SMYD3: variants seen among roughly 807,000 people sequenced by gnomAD.
SMYD3 encodes the protein SET and MYND domain containing 3.
Under a neutral mutation model 57.7 loss-of-function variants are expected in SMYD3, and 36 were observed. The observed-to-expected ratio is 0.62, with a 90% CI of 0.48 to 0.82. The LOEUF (loss-of-function observed/expected upper bound fraction) is 0.82. Among genes scored for constraint, SMYD3 ranks in the 40% least tolerant of loss-of-function variants. SMYD3 has a pLI of 0.00. For synonymous variants in SMYD3, 211 were observed against 195.0 expected, an observed-to-expected ratio of 1.08 and a Z score of -0.68; for missense variants, 515 against 538.8, an observed-to-expected ratio of 0.96 and a Z score of 0.44.
At chr1:246,307,629 C>G (rs1182360712) in intron 5 of SMYD3, among the ~76,000 whole-genome samples, 1 of 151,910 alleles carries the variant, frequency 6.6e-6, no homozygotes, top group Non-Finnish European at 1.5e-5. Flanking sequence ...CCGTTTTAGC[C>G]GGGATGGTCT....
chr1:245,829,235 A>C (rs2049696304), intron 10 of SMYD3, among the ~76,000 whole-genome samples: 3 of 152,044 alleles, frequency 2.0e-5, no homozygotes. Flanking sequence ...AATTCTAGGG[A>C]TTAAATAATG....
chr1:246,169,068 A>G (rs1453088212), intron 5 of SMYD3, among the ~76,000 whole-genome samples: 1 of 152,138 alleles, frequency 6.6e-6, no homozygotes, highest in Non-Finnish European at 1.5e-5. Flanking sequence ...TCTCTGCTTC[A>G]CTTGAATTCC....
chr1:245,986,696 G>A (rs1252889996), intron 5 of SMYD3, among the ~76,000 whole-genome samples: 2 of 152,018 alleles, frequency 1.3e-5, no homozygotes, highest in African/African-American at 2.4e-5. Flanking sequence ...CTCCACTCTC[G>A]GTTGTTCCAG....
chr1:245,939,009 G>C (rs916725366), intron 5 of SMYD3, among the ~76,000 whole-genome samples: 1 of 151,956 alleles, frequency 6.6e-6, no homozygotes, highest in African/African-American at 2.4e-5. Flanking sequence ...AGCCGGGCGT[G>C]GTGGCCTGAG....
intron 8 of SMYD3, among the ~76,000 whole-genome samples, chr1:245,893,491 A>T (rs2053525493): frequency 2.6e-5 from 1 of 37,842 alleles, no homozygotes; most frequent in South Asian, 1.5e-3. Context: ...CAAACTATGA[A>T]ATAGCCATGT....
chr1:245,848,649 T>C (rs1359676073), intron 10 of SMYD3, among the ~76,000 whole-genome samples: 1 of 152,140 alleles, frequency 6.6e-6, no homozygotes, highest in Non-Finnish European at 1.5e-5. Flanking sequence ...TGGGCTCAAG[T>C]TATCTTCCCA....
At chr1:246,017,482 G>A (rs1282016647) in intron 5 of SMYD3, among the ~76,000 whole-genome samples, 3 of 152,096 alleles carry the variant, frequency 2.0e-5, no homozygotes, top group African/African-American at 7.2e-5. Context: ...GAAGACTAGA[G>A]GCCAGTTATT....
intron 1 of SMYD3, among the ~76,000 whole-genome samples, chr1:246,451,844 G>A (rs1427266130): frequency 6.6e-6 from 1 of 152,094 alleles, no homozygotes; most frequent in Non-Finnish European, 1.5e-5. Flanking sequence ...TTTAACTTTA[G>A]ATATCAAATA....
chr1:246,425,761 C>G (rs1287930333), intron 1 of SMYD3, among the ~76,000 whole-genome samples: 1 of 152,118 alleles, frequency 6.6e-6, no homozygotes, highest in Non-Finnish European at 1.5e-5. Flanking sequence ...GGATCATCTC[C>G]CTAATAAACT....
intron 5 of SMYD3, among the ~76,000 whole-genome samples, chr1:246,147,998 C>G (rs556018523): frequency 6.6e-6 from 1 of 152,120 alleles, no homozygotes; most frequent in Non-Finnish European, 1.5e-5. Context: ...GATCTCCGAC[C>G]GGGGTTGGGG....
At chr1:246,011,821 C>T (rs975144679) in intron 5 of SMYD3, among the ~76,000 whole-genome samples, 1 of 152,198 alleles carries the variant, frequency 6.6e-6, no homozygotes, top group African/African-American at 2.4e-5. Flanking sequence ...TGCTCCACTA[C>T]ACAAACTGAA....
intron 8 of SMYD3, among the ~76,000 whole-genome samples, chr1:245,914,853 C>T (rs1467742866): frequency 1.4e-5 from 2 of 145,714 alleles, no homozygotes; most frequent in East Asian, 5.2e-4. Context: ...CACTCTGTAT[C>T]CCAAAATATG....
chr1:246,379,113 CAT>C (rs1553340124), intron 1 of SMYD3, among the ~76,000 whole-genome samples: 3 of 139,970 alleles, frequency 2.1e-5, no homozygotes, highest in African/African-American at 8.0e-5. Context: ...CACACACACA[CAT>C]ATATTCCATT....
At chr1:245,793,769 G>C (rs537458617) in intron 10 of SMYD3, among the ~76,000 whole-genome samples, 1 of 152,190 alleles carries the variant, frequency 6.6e-6, no homozygotes, top group East Asian at 1.9e-4. Flanking sequence ...GCAAATCCCT[G>C]ACCATGGCCC....
At chr1:245,853,529 C>T (rs868020411) in intron 10 of SMYD3, among the ~76,000 whole-genome samples, 3 of 152,196 alleles carry the variant, frequency 2.0e-5, no homozygotes, top group African/African-American at 2.4e-5. Flanking sequence ...ACCAAACGTG[C>T]GCTCAGGTCT....
At chr1:246,073,262 T>C (rs929179567) in intron 5 of SMYD3, among the ~76,000 whole-genome samples, 1 of 152,212 alleles carries the variant, frequency 6.6e-6, no homozygotes, top group Non-Finnish European at 1.5e-5. Context: ...TATTTTACTG[T>C]GTAAAGTGGC....
At chr1:246,327,401 T>A (rs1362431227) in intron 4 of SMYD3, 64 bp from the exon 5 acceptor site, 1 of 1,401,818 alleles carries the variant, frequency 7.1e-7, no homozygotes, top group Non-Finnish European at 9.9e-7. Context: ...AATTTTCAAG[T>A]GTTCAATGCT....
At chr1:245,962,725 T>C (rs1259408862) in intron 5 of SMYD3, among the ~76,000 whole-genome samples, 1 of 125,856 alleles carries the variant, frequency 7.9e-6, no homozygotes, top group Non-Finnish European at 1.8e-5. Context: ...ATCATTGCTG[T>C]GTTGTTTCAC....
chr1:245,886,420 A>G (rs1401505770), intron 8 of SMYD3, among the ~76,000 whole-genome samples: 1 of 152,194 alleles, frequency 6.6e-6, no homozygotes, highest in Non-Finnish European at 1.5e-5. Context: ...GAAGCAATAC[A>G]ATATCCTAAT....
Sources: gnomAD v4.1 joint callset for allele counts (sites outside exome capture counted in the v4.1 genomes callset) on GRCh38, gnomAD v4.1.1 for gene constraint, MANE v1.5 for transcripts, NCBI Gene and HGNC (gene_info 2026-07-23, HGNC 2026-07-21) for gene names.